The following AAMDC variants were observed in gnomAD, a reference collection of about 807,000 sequenced individuals.
The protein encoded by AAMDC is adipogenesis associated Mth938 domain containing.
A neutral mutation model predicts 15.5 loss-of-function variants in AAMDC; 16 were observed. That is an observed-to-expected ratio of 1.03 (90% CI 0.70 to 1.57). AAMDC has a LOEUF of 1.57. Among genes scored for constraint, AAMDC ranks in the 40% most tolerant of loss-of-function variants. The probability of loss-of-function intolerance (pLI) is 0.00; values close to 1 mark genes in which losing one functional copy is unlikely to be tolerated. For missense variants in AAMDC, 141 were observed against 144.9 expected, an observed-to-expected ratio of 0.97 and a Z score of 0.14; for synonymous variants, 51 against 51.6, an observed-to-expected ratio of 0.99 and a Z score of 0.05.
At chr11:77,882,716 C>T (rs1565220493) in intron 5 of AAMDC, among the ~76,000 whole-genome samples, 1 of 152,100 alleles carries the variant, frequency 6.6e-6, no homozygotes, top group Non-Finnish European at 1.5e-5. Context: ...AAAGGGGCTG[C>T]CCTAACATCC....
At chr11:77,902,869 A>T (rs1952819337), downstream of AAMDC, among the ~76,000 whole-genome samples, 1 of 152,222 alleles carries the variant, frequency 6.6e-6, no homozygotes, top group Non-Finnish European at 1.5e-5. Flanking sequence ...GGACCTTTTA[A>T]CGTTGAAGAG....
At chr11:77,896,247 G>A (rs1952512665) in intron 5 of AAMDC, among the ~76,000 whole-genome samples, 1 of 152,114 alleles carries the variant, frequency 6.6e-6, no homozygotes, top group African/African-American at 2.4e-5. Flanking sequence ...AAAAATAGTA[G>A]AGAAGCACAC....
chr11:77,902,782 C>CA (rs1487147080), downstream of AAMDC, among the ~76,000 whole-genome samples: 1 of 152,136 alleles, frequency 6.6e-6, no homozygotes. Flanking sequence ...TACTCAGGTG[C>CA]AAAGGGGAAT....
At chr11:77,892,400 G>A (rs1291054098) in intron 5 of AAMDC, among the ~76,000 whole-genome samples, 2 of 152,106 alleles carry the variant, frequency 1.3e-5, no homozygotes, top group East Asian at 1.9e-4. Flanking sequence ...CACTGAGGAG[G>A]TGATATCTGT....
At chr11:77,891,005 C>A (rs1187956472) in intron 5 of AAMDC, among the ~76,000 whole-genome samples, 1 of 152,164 alleles carries the variant, frequency 6.6e-6, no homozygotes, top group East Asian at 1.9e-4. Context: ...CTTAACGTCA[C>A]ATTACAAGAT....
chr11:77,888,320 G>C (rs895491667), intron 5 of AAMDC, among the ~76,000 whole-genome samples: 7 of 152,278 alleles, frequency 4.6e-5, no homozygotes, highest in African/African-American at 1.7e-4. Flanking sequence ...ACAAGCAATG[G>C]GGAAAGGATT....
chr11:77,886,762 C>T (rs112173574), intron 5 of AAMDC, among the ~76,000 whole-genome samples: 1,533 of 147,260 alleles, frequency 0.01, 31 homozygotes, highest in African/African-American at 0.034. Context: ...GGCGAGGGGG[C>T]GGGGCAGGGT....
At chr11:77,900,772 A>C, downstream of AAMDC, 1 of 598,762 alleles carries the variant, frequency 1.7e-6, no homozygotes, top group Non-Finnish European at 3.0e-6. Context: ...TCTTGGAATC[A>C]ATGAAATGTG....
downstream of AAMDC, chr11:77,901,225 T>C (rs1471686498): frequency 3.4e-5 from 22 of 655,250 alleles, no homozygotes; most frequent in Admixed American, 8.1e-5. Context: ...AGAGACACAA[T>C]TGGATTTCCA....
intron 5 of AAMDC, among the ~76,000 whole-genome samples, chr11:77,888,903 A>G (rs996107210): frequency 6.6e-6 from 1 of 152,226 alleles, no homozygotes; most frequent in Non-Finnish European, 1.5e-5. Flanking sequence ...TAGAATGGCT[A>G]TCATTAAAAA....
At chr11:77,898,194 C>T (rs1952614318) in intron 5 of AAMDC, among the ~76,000 whole-genome samples, 2 of 152,096 alleles carry the variant, frequency 1.3e-5, no homozygotes, top group Non-Finnish European at 2.9e-5. Context: ...GACAGAGTTT[C>T]ACTCTGTCAC....
intron 2 of AAMDC, among the ~76,000 whole-genome samples, chr11:77,857,989 C>T (rs12285765): frequency 0.22 from 33,764 of 151,890 alleles, 3,825 homozygotes; most frequent in Middle Eastern, 0.25. Context: ...CCAACGTGCC[C>T]GGCCATCATC....
At chr11:77,882,612 T>C (rs1951835738) in intron 5 of AAMDC, among the ~76,000 whole-genome samples, 1 of 152,124 alleles carries the variant, frequency 6.6e-6, no homozygotes, top group Non-Finnish European at 1.5e-5. Context: ...GCAGCCAGAT[T>C]ATGGAATGAG....
chr11:77,836,906 G>A (rs796803629), intron 1 of AAMDC, among the ~76,000 whole-genome samples: 7 of 152,024 alleles, frequency 4.6e-5, no homozygotes, highest in East Asian at 2.0e-4. Context: ...CGGAGGTTGC[G>A]GTGAGCCAAG....
chr11:77,879,208 A>C (rs891816421), intron 5 of AAMDC: 1 of 1,486,778 alleles, frequency 6.7e-7, no homozygotes, highest in Non-Finnish European at 9.2e-7. Flanking sequence ...AAGAAATATC[A>C]AAATGGAAGC....
intron 5 of AAMDC, among the ~76,000 whole-genome samples, chr11:77,886,969 A>G (rs1952042535): frequency 6.6e-6 from 1 of 152,076 alleles, no homozygotes; most frequent in Non-Finnish European, 1.5e-5. Context: ...GGAAATTTAT[A>G]GCACTAAATG....
chr11:77,905,397 C>T (rs1455617300), downstream of AAMDC, among the ~76,000 whole-genome samples: 1 of 150,930 alleles, frequency 6.6e-6, no homozygotes, highest in Non-Finnish European at 1.5e-5. Context: ...GCAGAGGTTG[C>T]AGCAGTGAGC....
intron 1 of AAMDC, among the ~76,000 whole-genome samples, chr11:77,825,676 T>C (rs1206362470): frequency 2.0e-5 from 3 of 151,938 alleles, no homozygotes; most frequent in East Asian, 1.9e-4. Context: ...CCTTTAGAAG[T>C]GTCTTACTAC....
chr11:77,883,724 G>A (rs988685040), intron 5 of AAMDC: 61 of 1,182,728 alleles, frequency 5.2e-5, no homozygotes, highest in Non-Finnish European at 7.0e-5. Flanking sequence ...TTCTTACAAG[G>A]CCTGATTCAT....
Sources: gnomAD v4.1 joint callset for allele counts (sites outside exome capture counted in the v4.1 genomes callset) on GRCh38, gnomAD v4.1.1 for gene constraint, MANE v1.5 for transcripts, NCBI Gene and HGNC (gene_info 2026-07-23, HGNC 2026-07-21) for gene names.